The following ZC3H15 variants were observed in gnomAD, a reference collection of about 807,000 sequenced individuals.
ZC3H15 encodes zinc finger CCCH domain-containing protein 15.
ZC3H15 carries 15 observed loss-of-function variants against 51.2 expected under a neutral mutation model. The observed-to-expected ratio is 0.29, with a 90% CI of 0.20 to 0.45. The LOEUF is 0.45. ZC3H15 is among the 20% of genes least tolerant of loss of function. The pLI, the probability that ZC3H15 is intolerant of heterozygous loss-of-function variation, is 1.00. For synonymous variants in ZC3H15, 144 were observed against 162.8 expected, an observed-to-expected ratio of 0.88 and a Z score of 0.88; for missense variants, 381 against 494.7, an observed-to-expected ratio of 0.77 and a Z score of 2.18.
In ZC3H15 at chr2:186,501,314, G is replaced by C; in HGVS notation, c.331G>C (p.Gly111Arg). 3 of 1,613,004 alleles carry C rather than the reference G, an allele frequency of 1.9e-6. No individual in the cohort carries two copies. Among genetic ancestry groups the C allele is most frequent in the Non-Finnish European group, 2.5e-6 (3 of 1,179,494 alleles). ...KSVVCAFFKQGQCTKGDKCKF... is the reference protein window; with the variant it reads ...KSVVCAFFKQRQCTKGDKCKF... ...TGTAGTATGTGCATTCTTCAAGCAAGGACAGTGTACTAAAGGAGATAAGTG... is the reference window on the plus strand; with the variant it reads ...TGTAGTATGTGCATTCTTCAAGCAACGACAGTGTACTAAAGGAGATAAGTG... The change falls in exon 4 of 10, where the codon GGA becomes CGA. Residue 111 changes from glycine to arginine, a missense_variant. Gly to Arg is a moderately radical substitution (Grantham distance 125). This residue lies in a region of ZC3H15 where 125 missense variants were observed against 166.3 expected (regional missense o/e 0.75). Coordinates refer to ENST00000337859, the MANE Select transcript of ZC3H15 (RefSeq NM_018471.3).
intron 6 of ZC3H15, chr2:186,505,166 T>C: frequency 5.7e-6 from 1 of 175,270 alleles, no homozygotes; most frequent in Non-Finnish European, 1.2e-5. Context: ...TATTTATTAT[T>C]TTCAGCAATT....
intron 2 of ZC3H15, chr2:186,499,641 A>T (rs1450335579): frequency 2.2e-6 from 1 of 449,864 alleles, no homozygotes; most frequent in East Asian, 7.0e-5. Flanking sequence ...AAATGTTTGG[A>T]TGAATCCTCT....
chr2:186,496,473 A>G (rs1245986688), intron 2 of ZC3H15, among the ~76,000 whole-genome samples: 4 of 152,196 alleles, frequency 2.6e-5, no homozygotes, highest in African/African-American at 9.7e-5. Flanking sequence ...AAGTGCTAGG[A>G]TTACACACGT....
At chr2:186,504,368 G>A (rs1293158763) in intron 6 of ZC3H15, among the ~76,000 whole-genome samples, 154 bp downstream of exon 6, 2 of 152,106 alleles carry the variant, frequency 1.3e-5, no homozygotes, top group Non-Finnish European at 2.9e-5. Context: ...ATTCTTGTAT[G>A]TGTAAAATGT....
chr2:186,490,577 C>G (rs1339616147), intron 1 of ZC3H15, among the ~76,000 whole-genome samples: 6 of 152,150 alleles, frequency 3.9e-5, no homozygotes, highest in Non-Finnish European at 8.8e-5. Flanking sequence ...TGGGAGAAAA[C>G]TAATGAGGGA....
chr2:186,507,716 T>C (rs1387573490), intron 9 of ZC3H15, among the ~76,000 whole-genome samples: 2 of 152,160 alleles, frequency 1.3e-5, no homozygotes, highest in Non-Finnish European at 2.9e-5. Flanking sequence ...AGGCTGAACA[T>C]TATTTTTACA....
At chr2:186,508,458 G>A (rs1685502335) in intron 9 of ZC3H15, 85 bp from the exon 10 acceptor site, 2 of 1,153,588 alleles carry the variant, frequency 1.7e-6, no homozygotes, top group South Asian at 2.9e-5. Flanking sequence ...AAGAGGAAGT[G>A]TAGTATCAGT....
chr2:186,500,763 C>T, intron 3 of ZC3H15: 1 of 450,738 alleles, frequency 2.2e-6, no homozygotes, highest in South Asian at 1.6e-5. Flanking sequence ...CAACCTCCGA[C>T]TGTCTGGTTC....
At chr2:186,504,598 A>T (rs1469137521) in intron 6 of ZC3H15, among the ~76,000 whole-genome samples, 1 of 152,196 alleles carries the variant, frequency 6.6e-6, no homozygotes, top group Non-Finnish European at 1.5e-5. Context: ...GGAAGAAGAC[A>T]ACACTCTAGT....
chr2:186,497,280 C>T (rs1685297736), intron 2 of ZC3H15: 2 of 310,420 alleles, frequency 6.4e-6, no homozygotes, highest in South Asian at 5.3e-5. Flanking sequence ...ATTTCTCTTG[C>T]TCATGCTGTC....
chr2:186,508,452 G>A, intron 9 of ZC3H15, 91 bp from the exon 10 acceptor site: 1 of 1,096,142 alleles, frequency 9.1e-7, no homozygotes, highest in Non-Finnish European at 1.3e-6. Flanking sequence ...AAGGAAAAGA[G>A]GAAGTGTAGT....
At chr2:186,498,644 A>C (rs1244643367) in intron 2 of ZC3H15, among the ~76,000 whole-genome samples, 1 of 152,192 alleles carries the variant, frequency 6.6e-6, no homozygotes, top group Admixed American at 6.5e-5. Context: ...GCATTTGGCC[A>C]TTCCTTTCCT....
In ZC3H15 at chr2:186,486,309, G is replaced by T. The variant is rs559601097; in HGVS notation, c.-74G>T. ...GAGTGAGGCCCCGGTCTTCCTCCTCGTCCTGCCGCAGGGCCAGAACCCCTG... is the reference window on the plus strand; with the variant it reads ...GAGTGAGGCCCCGGTCTTCCTCCTCTTCCTGCCGCAGGGCCAGAACCCCTG... On this transcript the variant is annotated 5_prime_UTR_variant, in exon 1 of 10. Transcript: ENST00000337859. 5.7e-3 allele frequency: 7,906 copies of T among 1,383,592 alleles called. 30 individuals are homozygous for T. The highest frequency in any genetic ancestry group is 6.5e-3 in the Non-Finnish European group (6,883 of 1,051,456). The allele number at this position is 1,383,592 out of a possible 1,614,324, so 85.7% of individuals were successfully genotyped here.
At chr2:186,496,522 T>G (rs2105588615) in intron 2 of ZC3H15, among the ~76,000 whole-genome samples, 1 of 152,372 alleles carries the variant, frequency 6.6e-6, no homozygotes, top group South Asian at 2.1e-4. Flanking sequence ...TTCTTTTAAA[T>G]GAATAGCTGC....
chr2:186,507,621 G>A (rs1685488821), intron 9 of ZC3H15: 1 of 345,064 alleles, frequency 2.9e-6, no homozygotes, highest in Admixed American at 3.4e-5. Context: ...TTAGGTACTT[G>A]AAGAAAGGGG....
intron 1 of ZC3H15, among the ~76,000 whole-genome samples, chr2:186,494,346 G>A (rs1685247860): frequency 6.6e-6 from 1 of 152,054 alleles, no homozygotes; most frequent in African/African-American, 2.4e-5. Context: ...TTGTTTTTGA[G>A]AGGATAACAT....
chr2:186,500,056 A>G (rs1345952848), intron 2 of ZC3H15, 126 bp from the exon 3 acceptor site: 22 of 750,460 alleles, frequency 2.9e-5, no homozygotes, highest in Non-Finnish European at 4.7e-5. Flanking sequence ...TAAGGCCATT[A>G]TAACACTGAT....
chr2:186,507,631 G>T (rs1266997285), intron 9 of ZC3H15, among the ~76,000 whole-genome samples: 3 of 152,320 alleles, frequency 2.0e-5, no homozygotes, highest in Non-Finnish European at 4.4e-5. Flanking sequence ...GAAGAAAGGG[G>T]TAAAAGTTTG....
At chr2:186,493,560 A>G (rs2105586857) in intron 1 of ZC3H15, among the ~76,000 whole-genome samples, 1 of 152,264 alleles carries the variant, frequency 6.6e-6, no homozygotes, top group Admixed American at 6.5e-5. Context: ...TCACTAGTCA[A>G]GCCTGCTATA....
Sources: gnomAD v4.1 joint callset for allele counts (sites outside exome capture counted in the v4.1 genomes callset) on GRCh38, gnomAD v4.1.1 for gene constraint, gnomAD v4.1.1 regional missense constraint, MANE v1.5 for transcripts, NCBI Gene and HGNC (gene_info 2026-07-23, HGNC 2026-07-21) for gene names.